IMMP2L: variants seen among roughly 807,000 people sequenced by gnomAD.
IMMP2L encodes the protein inner mitochondrial membrane peptidase subunit 2.
Under a neutral mutation model 19.3 loss-of-function variants are expected in IMMP2L, and 18 were observed. The observed-to-expected ratio is 0.93, with a 90% CI of 0.64 to 1.38. IMMP2L has a LOEUF of 1.38. Ranked by LOEUF, IMMP2L falls within the 40% of genes most tolerant of loss-of-function variation. The pLI is 0.00. For synonymous variants in IMMP2L, 76 were observed against 73.0 expected (o/e 1.04, Z -0.21); for missense variants, 233 against 218.2 (o/e 1.07, Z -0.43).
At chr7:110,669,095 GTATA>G (rs1390121538) in intron 5 of IMMP2L, among the ~76,000 whole-genome samples, 3 of 88,950 alleles carry the variant, frequency 3.4e-5, no homozygotes, top group African/African-American at 2.4e-4. Context: ...GTGTGTATAT[GTATA>G]TATATATATA....
chr7:111,164,636 T>C (rs909988671), intron 3 of IMMP2L, among the ~76,000 whole-genome samples: 1 of 152,030 alleles, frequency 6.6e-6, no homozygotes, highest in African/African-American at 2.4e-5. Flanking sequence ...CCCAGAAAAC[T>C]GGATCCAGTT....
chr7:111,124,001 T>C (rs777402335), intron 3 of IMMP2L: 2 of 1,614,086 alleles, frequency 1.2e-6, no homozygotes, highest in Non-Finnish European at 1.7e-6. Context: ...GTTCGGCAAG[T>C]GCATTTCAGG....
chr7:110,866,858 C>T (rs189114405), intron 5 of IMMP2L, among the ~76,000 whole-genome samples: 10 of 152,102 alleles, frequency 6.6e-5, no homozygotes, highest in Non-Finnish European at 1.2e-4. Flanking sequence ...ACTGCCATGG[C>T]TGTATTTTAC....
intron 5 of IMMP2L, among the ~76,000 whole-genome samples, chr7:110,669,108 T>G (rs34360094): frequency 0.42 from 59,614 of 141,688 alleles, 13,982 homozygotes; most frequent in African/African-American, 0.65. Flanking sequence ...TATATATATA[T>G]AGAGAGAGAG....
intron 3 of IMMP2L, among the ~76,000 whole-genome samples, chr7:111,167,369 C>A (rs1700487755): frequency 6.6e-6 from 1 of 152,050 alleles, no homozygotes; most frequent in East Asian, 1.9e-4. Flanking sequence ...CAAAACATTT[C>A]TTTTTCACCA....
At chr7:111,088,048 A>AG (rs920162024) in intron 3 of IMMP2L, among the ~76,000 whole-genome samples, 1 of 152,148 alleles carries the variant, frequency 6.6e-6, no homozygotes, top group Non-Finnish European at 1.5e-5. Flanking sequence ...GGAAGTGGCA[A>AG]GGTAAGGATT....
intron 3 of IMMP2L, among the ~76,000 whole-genome samples, chr7:111,467,459 G>C (rs975133223): frequency 2.0e-5 from 3 of 152,034 alleles, no homozygotes; most frequent in Admixed American, 1.3e-4. Flanking sequence ...CTACTTATGT[G>C]AGTCACACTG....
At chr7:110,740,004 T>C (rs1489502263) in intron 5 of IMMP2L, among the ~76,000 whole-genome samples, 1 of 152,150 alleles carries the variant, frequency 6.6e-6, no homozygotes, top group African/African-American at 2.4e-5. Flanking sequence ...TTAAAAGTTC[T>C]TTGAACTGAA....
intron 4 of IMMP2L, among the ~76,000 whole-genome samples, chr7:110,936,424 A>G (rs951344974): frequency 6.6e-6 from 1 of 152,252 alleles, no homozygotes; most frequent in Admixed American, 6.5e-5. Context: ...GAATACATTT[A>G]TGTGGCCAAC....
intron 3 of IMMP2L, among the ~76,000 whole-genome samples, chr7:111,475,327 G>T (rs1027517697): frequency 6.6e-6 from 1 of 151,944 alleles, no homozygotes; most frequent in Admixed American, 6.6e-5. Context: ...AATTTGGTGG[G>T]TGTCGTTTTA....
intron 3 of IMMP2L, among the ~76,000 whole-genome samples, chr7:111,410,381 G>C (rs1025673734): frequency 5.9e-5 from 9 of 151,620 alleles, no homozygotes; most frequent in Admixed American, 3.9e-4. Context: ...GTGGTGGGGA[G>C]AGAGACCATT....
intron 5 of IMMP2L, among the ~76,000 whole-genome samples, chr7:110,808,098 T>G (rs1215274758): frequency 6.6e-6 from 1 of 152,108 alleles, no homozygotes; most frequent in Non-Finnish European, 1.5e-5. Flanking sequence ...AATAATTACA[T>G]TTAGTAATTA....
At chr7:111,209,312 G>T (rs1022311707) in intron 3 of IMMP2L, among the ~76,000 whole-genome samples, 1 of 149,174 alleles carries the variant, frequency 6.7e-6, no homozygotes, top group African/African-American at 2.5e-5. Context: ...CAGGAGAATC[G>T]CTTGAACCCA....
intron 3 of IMMP2L, among the ~76,000 whole-genome samples, chr7:111,093,295 A>G (rs1051157065): frequency 2.0e-5 from 3 of 152,200 alleles, no homozygotes; most frequent in African/African-American, 4.8e-5. Flanking sequence ...AAAAAAAACC[A>G]AAATGATTTA....
At chr7:110,978,888 G>A (rs1235123840) in intron 3 of IMMP2L, among the ~76,000 whole-genome samples, 1 of 151,940 alleles carries the variant, frequency 6.6e-6, no homozygotes, top group Non-Finnish European at 1.5e-5. Flanking sequence ...AATGGAAAAA[G>A]CTACAATCCT....
intron 3 of IMMP2L, among the ~76,000 whole-genome samples, chr7:111,074,910 T>C (rs901710315): frequency 6.6e-6 from 1 of 152,016 alleles, no homozygotes; most frequent in African/African-American, 2.4e-5. Flanking sequence ...AACAAAGAAA[T>C]TTGAGAGACT....
intron 3 of IMMP2L, among the ~76,000 whole-genome samples, chr7:111,452,087 T>G (rs77812875): frequency 1.6e-4 from 24 of 152,206 alleles, no homozygotes; most frequent in Non-Finnish European, 2.4e-4. Flanking sequence ...ATGAAATACT[T>G]TAGACTTATG....
intron 3 of IMMP2L, among the ~76,000 whole-genome samples, chr7:111,151,890 C>T (rs145761449): frequency 0.015 from 2,322 of 152,196 alleles, 57 homozygotes; most frequent in African/African-American, 0.05. Context: ...GAGCCAAGAT[C>T]GCGCCATTGC....
At chr7:110,840,845 A>G (rs559743106) in intron 5 of IMMP2L, among the ~76,000 whole-genome samples, 2 of 152,186 alleles carry the variant, frequency 1.3e-5, no homozygotes, top group African/African-American at 4.8e-5. Flanking sequence ...CAAACTCTCA[A>G]GTACAAAAAT....
Sources: allele counts gnomAD v4.1 joint callset (sites outside exome capture counted in the v4.1 genomes callset), GRCh38; gene constraint gnomAD v4.1.1; transcripts MANE v1.5; gene names NCBI Gene and HGNC (gene_info 2026-07-23, HGNC 2026-07-21).